GPHN: variants seen among roughly 807,000 people sequenced by gnomAD.
The protein encoded by GPHN is gephyrin.
In GPHN, 17 loss-of-function variants were observed where a neutral mutation model predicts 95.5. The observed-to-expected ratio is 0.18, with a 90% CI of 0.12 to 0.27. The LOEUF (loss-of-function observed/expected upper bound fraction) is 0.27, where lower values mean the gene tolerates loss of function less well. Among genes scored for constraint, GPHN ranks in the 10% least tolerant of loss-of-function variants. The pLI, the probability that GPHN is intolerant of heterozygous loss-of-function variation, is 1.00. For synonymous variants in GPHN, 320 were observed against 322.5 expected (o/e 0.99, Z 0.08); for missense variants, 660 against 978.1 (o/e 0.67, Z 4.34).
the GPHN span, among the ~76,000 whole-genome samples, chr14:67,705,218 G>T: frequency 6.6e-6 from 1 of 152,196 alleles, no homozygotes; most frequent in African/African-American, 2.4e-5. Context: ...TACTGGAGTT[G>T]TCCTTTTTCA....
At chr14:66,966,422 T>C (rs1472724716) in intron 9 of GPHN, among the ~76,000 whole-genome samples, 1 of 152,152 alleles carries the variant, frequency 6.6e-6, no homozygotes, top group East Asian at 1.9e-4. Context: ...ATTTTATCAT[T>C]TAAAAAACTG....
intron 1 of GPHN, among the ~76,000 whole-genome samples, chr14:66,524,875 A>G (rs1423574560): frequency 6.6e-6 from 1 of 151,854 alleles, no homozygotes; most frequent in Non-Finnish European, 1.5e-5. Flanking sequence ...ATATGTGCCA[A>G]CTTCTCTTTA....
chr14:67,121,707 T>C (rs1567362500), intron 16 of GPHN, among the ~76,000 whole-genome samples: 2 of 152,224 alleles, frequency 1.3e-5, no homozygotes, highest in African/African-American at 4.8e-5. Flanking sequence ...TACATGTAGC[T>C]AAGTATTACT....
chr14:67,579,807 T>C, the GPHN span: 2 of 1,610,986 alleles, frequency 1.2e-6, no homozygotes, highest in South Asian at 1.1e-5. Flanking sequence ...CATCCCACTC[T>C]GGCTTTGCCC....
At chr14:67,046,415 G>A (rs2075022190) in intron 10 of GPHN, among the ~76,000 whole-genome samples, 1 of 152,094 alleles carries the variant, frequency 6.6e-6, no homozygotes, top group Non-Finnish European at 1.5e-5. Context: ...AGTGTATTCT[G>A]ATATCTACAA....
intron 2 of GPHN, among the ~76,000 whole-genome samples, chr14:66,746,721 C>A (rs987843306): frequency 2.6e-5 from 4 of 152,044 alleles, no homozygotes; most frequent in Admixed American, 2.0e-4. Flanking sequence ...TGCAGTTTTA[C>A]GACATCCTCA....
the GPHN span, among the ~76,000 whole-genome samples, chr14:67,478,984 A>G: frequency 6.6e-6 from 1 of 152,282 alleles, no homozygotes; most frequent in African/African-American, 2.4e-5. Flanking sequence ...GTGCACATAT[A>G]CAAAAAAATT....
At chr14:67,450,094 A>T in the GPHN span, 72,618 of 152,600 alleles carry the variant, frequency 0.48, 19,290 homozygotes, top group African/African-American at 0.72. Context: ...AAAACGGGAG[A>T]TGTTCTGCAC....
chr14:66,709,151 G>A (rs575932477), intron 2 of GPHN, among the ~76,000 whole-genome samples: 8 of 152,186 alleles, frequency 5.3e-5, no homozygotes, highest in Non-Finnish European at 7.4e-5. Flanking sequence ...TGATGACCAC[G>A]TTTTTGTTAG....
chr14:67,586,599 A>G, the GPHN span: 3 of 451,640 alleles, frequency 6.6e-6, no homozygotes, highest in South Asian at 5.4e-5. Flanking sequence ...TACTCAATAC[A>G]GGAAGTGTTG....
chr14:67,607,219 T>A, the GPHN span, among the ~76,000 whole-genome samples: 1 of 152,218 alleles, frequency 6.6e-6, no homozygotes, highest in Non-Finnish European at 1.5e-5. Flanking sequence ...AATTAAGATA[T>A]AACTCTTAAT....
the GPHN span, among the ~76,000 whole-genome samples, chr14:67,235,333 C>T: frequency 1.3e-5 from 2 of 152,122 alleles, no homozygotes; most frequent in African/African-American, 4.8e-5. Context: ...GAACAAACTT[C>T]GTCTCCTCTT....
intron 17 of GPHN, among the ~76,000 whole-genome samples, chr14:67,134,481 A>G (rs1343900845): frequency 1.3e-5 from 2 of 152,216 alleles, no homozygotes; most frequent in African/African-American, 2.4e-5. Flanking sequence ...CAATATTATT[A>G]GCCTATGATA....
chr14:66,924,698 A>T (rs1402611233), intron 8 of GPHN, among the ~76,000 whole-genome samples: 1 of 151,846 alleles, frequency 6.6e-6, no homozygotes, highest in African/African-American at 2.4e-5. Context: ...ATTTGTATTA[A>T]CCTTCCTGTT....
At chr14:67,450,976 G>A in the GPHN span, among the ~76,000 whole-genome samples, 391 of 152,322 alleles carry the variant, frequency 2.6e-3, 1 homozygote, top group African/African-American at 8.9e-3. Context: ...AGGGTCCCCC[G>A]TGCTGTGTGC....
At chr14:67,082,066 G>C (rs150114741) in intron 11 of GPHN, among the ~76,000 whole-genome samples, 1,832 of 152,184 alleles carry the variant, frequency 0.012, 19 homozygotes, top group Non-Finnish European at 0.018. Context: ...GCTTAGTCTT[G>C]CTTTGGCTGT....
intron 4 of GPHN, among the ~76,000 whole-genome samples, chr14:66,828,692 G>A (rs1465505854): frequency 1.3e-5 from 2 of 151,862 alleles, no homozygotes; most frequent in African/African-American, 4.8e-5. Context: ...ATGATGAATA[G>A]GATGAATGAA....
At chr14:67,649,321 A>C in the GPHN span, 2 of 152,266 alleles carry the variant, frequency 1.3e-5, no homozygotes, top group East Asian at 3.9e-4. Flanking sequence ...CAGGGGTTCA[A>C]GACCAGCGTG....
At chr14:67,245,616 T>C in the GPHN span, among the ~76,000 whole-genome samples, 3 of 152,166 alleles carry the variant, frequency 2.0e-5, no homozygotes. Context: ...CCTCCCAAAG[T>C]GGTGGGATAA....
Sources: gnomAD v4.1 joint callset for allele counts (sites outside exome capture counted in the v4.1 genomes callset) on GRCh38, gnomAD v4.1.1 for gene constraint, MANE v1.5 for transcripts, NCBI Gene and HGNC (gene_info 2026-07-23, HGNC 2026-07-21) for gene names.